WWOX: variants seen among roughly 807,000 people sequenced by gnomAD.
The protein encoded by WWOX is WW domain-containing oxidoreductase.
In WWOX, 69 loss-of-function variants were observed where a neutral mutation model predicts 46.2. The observed-to-expected ratio is 1.49, with a 90% CI of 1.23 to 1.82. The LOEUF (loss-of-function observed/expected upper bound fraction) is 1.82, where lower values mean the gene tolerates loss of function less well. WWOX is among the 40% of genes most tolerant of loss of function. The probability of loss-of-function intolerance (pLI) is 0.00; values close to 1 mark genes in which losing one functional copy is unlikely to be tolerated. For synonymous variants in WWOX, 359 were observed against 202.6 expected, an observed-to-expected ratio of 1.77 and a Z score of -6.56; for missense variants, 919 against 542.6, an observed-to-expected ratio of 1.69 and a Z score of -6.89.
chr16:78,645,388 A>T (rs1410917938), intron 8 of WWOX, among the ~76,000 whole-genome samples: 2 of 152,162 alleles, frequency 1.3e-5, no homozygotes, highest in Non-Finnish European at 2.9e-5. Flanking sequence ...GGAGGTCAAA[A>T]GTCCAAAATG....
At chr16:78,457,156 T>C (rs188555971) in intron 8 of WWOX, among the ~76,000 whole-genome samples, 2,336 of 152,238 alleles carry the variant, frequency 0.015, 25 homozygotes, top group South Asian at 0.028. Context: ...GTCTGCACCC[T>C]TTTTTGTTTT....
chr16:78,395,169 A>G (rs2082257926), intron 6 of WWOX, among the ~76,000 whole-genome samples: 2 of 152,220 alleles, frequency 1.3e-5, no homozygotes, highest in Non-Finnish European at 2.9e-5. Context: ...TTAATTAAAC[A>G]GGAAAAGGGG....
intron 8 of WWOX, among the ~76,000 whole-genome samples, chr16:78,671,165 G>C (rs2047454356): frequency 6.6e-6 from 1 of 152,218 alleles, no homozygotes; most frequent in South Asian, 2.1e-4. Context: ...GCTCATGCCT[G>C]TAATCCCAGC....
At chr16:78,501,651 C>T (rs762038558) in intron 8 of WWOX, among the ~76,000 whole-genome samples, 3 of 152,020 alleles carry the variant, frequency 2.0e-5, no homozygotes, top group Non-Finnish European at 4.4e-5. Context: ...ATTCTCCTGC[C>T]TCAGCCTTCC....
chr16:78,269,219 T>G (rs1374265856), intron 5 of WWOX: 1 of 152,238 alleles, frequency 6.6e-6, no homozygotes, highest in Non-Finnish European at 1.5e-5. Flanking sequence ...TGATTAAGAA[T>G]CTTTCTTAAT....
rs11321131 is a variant in WWOX at position 78,946,773 on chromosome 16, G to GC, written c.1057-264830dup. Reference sequence around the variant, plus strand: ...CAGTGGTCCACAGAATTGGCAGTGAGCCCCCGGGGGAGCTCAGTGCAAGAC... The same window carrying GC: ...CAGTGGTCCACAGAATTGGCAGTGAGCCCCCCGGGGGAGCTCAGTGCAAGAC... On this transcript the variant is annotated intron_variant, in intron 8 of 8. Transcript: ENST00000566780. 4.6e-5 allele frequency among the ~76,000 whole-genome samples: 7 copies of GC among 151,448 alleles called. No individual in the cohort carries two copies. The East Asian group carries it at 1.2e-3, about 25-fold the overall frequency.
At chr16:78,100,084 G>C in intron 1 of WWOX, 199 bp downstream of exon 1, 1 of 1,383,888 alleles carries the variant, frequency 7.2e-7, no homozygotes, top group Non-Finnish European at 9.4e-7. Context: ...TCCAGCGGGG[G>C]TCACCTGGTG....
intron 8 of WWOX, among the ~76,000 whole-genome samples, chr16:78,837,986 C>T (rs917613963): frequency 6.6e-6 from 1 of 152,150 alleles, no homozygotes; most frequent in African/African-American, 2.4e-5. Context: ...CCAAAGGTTT[C>T]TCCAAAGGTC....
At chr16:78,830,588 G>C (rs2051792539) in intron 8 of WWOX, among the ~76,000 whole-genome samples, 1 of 151,950 alleles carries the variant, frequency 6.6e-6, no homozygotes, top group Admixed American at 6.6e-5. Flanking sequence ...TATTTTCCAA[G>C]GTCACTAAAT....
Position 78,758,262 on chromosome 16 carries a change from C to T in WWOX, c.1056+325510C>T, listed in dbSNP as rs190303738. 3.4e-3 allele frequency among the ~76,000 whole-genome samples: 516 copies of T among 152,078 alleles called. 5 individuals carry two copies. The highest frequency in any genetic ancestry group is 0.017 in the Middle Eastern group (5 of 294). ...AGTAATTCCATGTAGCTATTATTAC[C>T]AGAGAATACTCTAAGCCCAATGCTT... is the stretch of plus-strand genomic sequence containing the variant. On this transcript the variant is annotated intron_variant, in intron 8 of 8. Coordinates refer to ENST00000566780, the MANE Select transcript of WWOX (RefSeq NM_016373.4).
chr16:79,156,601 C>G (rs1398379502), intron 8 of WWOX, among the ~76,000 whole-genome samples: 2 of 151,836 alleles, frequency 1.3e-5, no homozygotes, highest in Non-Finnish European at 2.9e-5. Context: ...AGACAATTAA[C>G]AAGTTAAAAA....
intron 8 of WWOX, among the ~76,000 whole-genome samples, chr16:78,641,968 T>C (rs2046726038): frequency 6.6e-6 from 1 of 152,008 alleles, no homozygotes; most frequent in African/African-American, 2.4e-5. Flanking sequence ...TCCCCTTTTA[T>C]CAAGAGCCGT....
chr16:78,601,048 C>A (rs141889942), intron 8 of WWOX, among the ~76,000 whole-genome samples: 2 of 152,146 alleles, frequency 1.3e-5, no homozygotes, highest in Admixed American at 6.5e-5. Context: ...CCACATAATA[C>A]CTGGGGCAGG....
chr16:78,132,351 A>C (rs1453573246), intron 4 of WWOX, among the ~76,000 whole-genome samples: 1 of 152,040 alleles, frequency 6.6e-6, no homozygotes, highest in Non-Finnish European at 1.5e-5. Context: ...CTTTATTTCC[A>C]ATTATGCATC....
intron 8 of WWOX, among the ~76,000 whole-genome samples, chr16:78,584,514 C>T (rs996017300): frequency 3.3e-5 from 5 of 152,138 alleles, no homozygotes; most frequent in Admixed American, 1.3e-4. Flanking sequence ...GTTCTAAGCC[C>T]GGCATATAAC....
intron 6 of WWOX, among the ~76,000 whole-genome samples, chr16:78,414,202 A>T (rs1236184341): frequency 6.6e-6 from 1 of 151,864 alleles, no homozygotes. Flanking sequence ...CAAATCCTGT[A>T]AAACTGCCCT....
intron 8 of WWOX, among the ~76,000 whole-genome samples, chr16:78,848,283 A>T (rs2052351520): frequency 6.6e-6 from 1 of 151,612 alleles, no homozygotes; most frequent in Non-Finnish European, 1.5e-5. Context: ...TTCGTTGTTG[A>T]TGTTGTTGTT....
intron 5 of WWOX, among the ~76,000 whole-genome samples, chr16:78,224,154 C>A (rs60668349): frequency 0.15 from 22,239 of 151,994 alleles, 1,940 homozygotes; most frequent in East Asian, 0.3. Context: ...CAGGCACCCG[C>A]CACCAAGCCC....
chr16:79,174,040 A>G (rs1340285364), intron 8 of WWOX, among the ~76,000 whole-genome samples: 1 of 152,218 alleles, frequency 6.6e-6, no homozygotes, highest in Admixed American at 6.5e-5. Context: ...AAGATACGCA[A>G]TTGTAAGTGG....
Sources: allele counts gnomAD v4.1 joint callset (sites outside exome capture counted in the v4.1 genomes callset), GRCh38; gene constraint gnomAD v4.1.1; transcripts MANE v1.5; gene names NCBI Gene and HGNC (gene_info 2026-07-23, HGNC 2026-07-21).